SLC45A4: variants seen among roughly 807,000 people sequenced by gnomAD.
SLC45A4 encodes the protein polyamine-transporter SLC45A4.
Under a neutral mutation model 63.7 loss-of-function variants are expected in SLC45A4, and 32 were observed. That is an observed-to-expected ratio of 0.50 (90% CI 0.38 to 0.67). The LOEUF is 0.67. Ranked by LOEUF, SLC45A4 falls within the 30% of genes least tolerant of loss-of-function variation. The pLI is 0.00. For missense variants in SLC45A4, 1,027 were observed against 1,157.7 expected (o/e 0.89, Z 1.64); for synonymous variants, 535 against 510.0 (o/e 1.05, Z -0.66).
intron 2 of SLC45A4, chr8:141,226,116 A>G (rs1375585735): frequency 2.0e-5 from 3 of 152,302 alleles, no homozygotes; most frequent in Non-Finnish European, 4.4e-5. Context: ...ATGGCCTGAC[A>G]TCGTGATTTT....
At position 141,221,632 on chromosome 8, in the gene SLC45A4, G is replaced by T. The variant is rs146246063; in HGVS notation, c.375C>A (p.Ala125=). The T allele has an allele frequency of 7.9e-5, 128 of 1,614,070 alleles. 1 individual carries two copies. The South Asian group carries it at 1.3e-3, about 17-fold the overall frequency. ...CGCCAAAGAGGACGCCAACGCAGAGGGCGAGGATGAAGGGCCGCCGGCGGC... is the reference window on the plus strand; with the variant it reads ...CGCCAAAGAGGACGCCAACGCAGAGTGCGAGGATGAAGGGCCGCCGGCGGC... The part of the protein sequence containing the change: ...SWGRRRPFIL[A]LCVGVLFGVA... The change falls in exon 3 of 9, where the codon GCC becomes GCA. Residue 125 remains alanine, a synonymous_variant. Transcript: ENST00000517878.
chr8:141,240,864 T>C (rs1344035603), intron 2 of SLC45A4, among the ~76,000 whole-genome samples: 1 of 152,024 alleles, frequency 6.6e-6, no homozygotes, highest in Non-Finnish European at 1.5e-5. Flanking sequence ...ATGTGCAGAG[T>C]GGGGCCTGCA....
intron 1 of SLC45A4, among the ~76,000 whole-genome samples, chr8:141,281,552 G>A (rs986358449): frequency 6.6e-6 from 1 of 152,224 alleles, no homozygotes; most frequent in Non-Finnish European, 1.5e-5. Flanking sequence ...CCCCTCGACT[G>A]CTCTCAGAGA....
chr8:141,216,875 C>T (rs1243257191), intron 6 of SLC45A4, among the ~76,000 whole-genome samples: 1 of 152,238 alleles, frequency 6.6e-6, no homozygotes, highest in Non-Finnish European at 1.5e-5. Context: ...CTCAGAACCA[C>T]ACTGCTTCTG....
Position 141,218,798 on chromosome 8 carries a change from G to C in SLC45A4, c.842C>G (p.Pro281Arg). ...ALDGGEPHGV[P>R]AFPDEVQSEH... Reference sequence around the variant, plus strand: ...CGACTGTACCTCGTCTGGGAAGGCAGGGACGCCGTGCGGCTCGCCCCCATC... The same window carrying C: ...CGACTGTACCTCGTCTGGGAAGGCACGGACGCCGTGCGGCTCGCCCCCATC... The change falls in exon 5 of 9, where the codon CCT (proline) becomes CGT (arginine). Residue 281 changes from proline to arginine, a missense_variant. Transcript: ENST00000517878. 1 of 1,613,184 alleles carries C rather than the reference G, an allele frequency of 6.2e-7. No individual in the cohort carries two copies. Among genetic ancestry groups the C allele is most frequent in the Non-Finnish European group, 8.5e-7 (1 of 1,179,830 alleles).
Position 141,256,443 on chromosome 8 carries a change from G to C in SLC45A4, c.-400-1814C>G, listed in dbSNP as rs1256947173. 2.4e-6 allele frequency: 1 copy of C among 425,046 alleles called. No homozygotes were observed. Among genetic ancestry groups the C allele is most frequent in the East Asian group, 7.2e-5 (1 of 13,848 alleles). The allele number at this position is 425,046 out of a possible 1,614,324, so 26.3% of individuals were successfully genotyped here. ...GCTCCTCCTCTCTTTCTCCCCAGAG[G>C]AGACCAGAAACCTCGAGGTGCTGTC... On this transcript the variant is annotated intron_variant, in intron 1 of 8. Coordinates refer to ENST00000517878, the MANE Select transcript of SLC45A4 (RefSeq NM_001286646.2). The surrounding 1 kb of genome is among the most constrained non-coding windows in gnomAD (Gnocchi z 4.3).
chr8:141,234,804 G>A (rs1356111956), intron 2 of SLC45A4, among the ~76,000 whole-genome samples: 1 of 152,306 alleles, frequency 6.6e-6, no homozygotes, highest in South Asian at 2.1e-4. Flanking sequence ...TCACCTCCAC[G>A]TTCCGCTCTG....
rs1031019026 is a variant in SLC45A4, at chr8:141,254,215, C to T, written c.15G>A (p.Pro5=). The T allele has an allele frequency of 2.6e-6, 4 of 1,532,960 alleles. No individual in the cohort carries two copies. The highest frequency in any genetic ancestry group is 2.7e-5 in the African/African-American group (2 of 72,896). The allele number at this position is 1,532,960 out of a possible 1,614,324, so 95.0% of individuals were successfully genotyped here. The change falls in exon 2 of 9, where the codon CCG becomes CCA. Residue 5 remains proline (P), a synonymous_variant. Transcript: ENST00000517878. The surrounding 1 kb of genome is among the most constrained non-coding windows in gnomAD (Gnocchi z 4.5). The part of the protein sequence containing the change: MKMA[P]QNADPESMQV... ...GCATAGATTCCGGGTCGGCATTCTG[C>T]GGAGCCATTTTCATTACCACCAAAA...
intron 1 of SLC45A4, among the ~76,000 whole-genome samples, chr8:141,287,378 T>C (rs1830186116): frequency 6.6e-6 from 1 of 152,214 alleles, no homozygotes; most frequent in Non-Finnish European, 1.5e-5. Context: ...ACCTGGATAC[T>C]ACAGGTGTTT....
intron 1 of SLC45A4, among the ~76,000 whole-genome samples, chr8:141,302,616 G>A (rs976258204): frequency 1.3e-5 from 2 of 152,226 alleles, no homozygotes; most frequent in Non-Finnish European, 2.9e-5. Context: ...ACAGGCATGA[G>A]CCACCGCGGC....
chr8:141,305,409 C>T (rs1830867447), intron 1 of SLC45A4, among the ~76,000 whole-genome samples: 1 of 152,210 alleles, frequency 6.6e-6, no homozygotes, highest in African/African-American at 2.4e-5. Flanking sequence ...GACAACCCTT[C>T]TGATGGTGTT....
intron 1 of SLC45A4, among the ~76,000 whole-genome samples, chr8:141,261,843 T>A (rs990016581): frequency 6.6e-6 from 1 of 152,232 alleles, no homozygotes; most frequent in Non-Finnish European, 1.5e-5. Context: ...AAGCTACCAA[T>A]GACTTTCTTC....
chr8:141,284,265 G>A (rs565612681), intron 1 of SLC45A4, among the ~76,000 whole-genome samples: 1 of 152,312 alleles, frequency 6.6e-6, no homozygotes, highest in South Asian at 2.1e-4. Flanking sequence ...TCGGCTGGTG[G>A]GCACAGGGAC....
At position 141,247,756 on chromosome 8, in the gene SLC45A4, G is replaced by GC. The variant is rs1238694187; in HGVS notation, c.241+6232dup. On this transcript the variant is annotated intron_variant, in intron 2 of 8. Coordinates refer to ENST00000517878, the MANE Select transcript of SLC45A4 (RefSeq NM_001286646.2). ...TAGGCATATTTCCTAATTTCGAGAT[G>GC]CCCCATAAAACTACAGAAATCAATC... is the stretch of plus-strand genomic sequence containing the variant. Among the ~76,000 whole-genome samples, 4 of 152,126 alleles carry GC rather than the reference G, an allele frequency of 2.6e-5. No homozygotes were observed. In the East Asian group the frequency reaches 7.7e-4, roughly 29 times the overall value.
At chr8:141,214,631 A>G (rs1284206502) in intron 7 of SLC45A4, among the ~76,000 whole-genome samples, 2 of 152,246 alleles carry the variant, frequency 1.3e-5, no homozygotes, top group African/African-American at 4.8e-5. Flanking sequence ...AATAGCCAAG[A>G]CAATCTTGAA....
chr8:141,304,009 C>G (rs906177795), intron 1 of SLC45A4, among the ~76,000 whole-genome samples: 2 of 152,128 alleles, frequency 1.3e-5, no homozygotes, highest in Non-Finnish European at 2.9e-5. Context: ...CAGCACTATT[C>G]CCCCCCGCGG....
intron 1 of SLC45A4, among the ~76,000 whole-genome samples, chr8:141,257,628 A>G (rs1361186394): frequency 3.9e-5 from 6 of 152,254 alleles, no homozygotes; most frequent in Non-Finnish European, 8.8e-5. Flanking sequence ...TGTCTGTAAT[A>G]AGTAATATAT....
intron 1 of SLC45A4, among the ~76,000 whole-genome samples, chr8:141,261,612 C>T (rs1328279464): frequency 2.0e-5 from 3 of 152,028 alleles, no homozygotes; most frequent in Non-Finnish European, 4.4e-5. Context: ...ATGAGTGACC[C>T]CCCATTCATA....
Position 141,253,434 on chromosome 8 carries a change from T to C in SLC45A4, c.241+555A>G, listed in dbSNP as rs76989632. On this transcript the variant is annotated intron_variant, in intron 2 of 8. Transcript: ENST00000517878. ...GAGCCATCTACTGTCCACAATAACC[T>C]TGGATTCAAGTCAACAGCAACAATG... 7.1e-3 allele frequency: 1,415 copies of C among 200,150 alleles called. 29 individuals are homozygous for C. The highest frequency in any genetic ancestry group is 0.032 in the African/African-American group (1,358 of 41,940). 12.4% of individuals were successfully genotyped at this position (200,150 alleles called of 1,614,324 possible). A position where few individuals can be genotyped will look rare whatever the true frequency, so the allele number is the denominator to read the frequency against.
Sources: allele counts gnomAD v4.1 joint callset (sites outside exome capture counted in the v4.1 genomes callset), GRCh38; gene constraint gnomAD v4.1.1; non-coding constraint Gnocchi (gnomAD v3.1); transcripts MANE v1.5; gene names NCBI Gene and HGNC (gene_info 2026-07-23, HGNC 2026-07-21).